TRPM3: variants seen among roughly 807,000 people sequenced by gnomAD.
TRPM3 encodes transient receptor potential cation channel subfamily M member 3.
A neutral mutation model predicts 181.2 loss-of-function variants in TRPM3; 77 were observed. The observed-to-expected ratio is 0.42, with a 90% CI of 0.35 to 0.51. The LOEUF is 0.51. Ranked by LOEUF, TRPM3 falls within the 20% of genes least tolerant of loss-of-function variation. The pLI is 0.01. For synonymous variants in TRPM3, 745 were observed against 796.4 expected (o/e 0.94, Z 1.09); for missense variants, 1,759 against 2,196.7 (o/e 0.80, Z 3.98).
At chr9:71,325,238 A>C (rs889530031) in intron 1 of TRPM3, among the ~76,000 whole-genome samples, 1 of 152,202 alleles carries the variant, frequency 6.6e-6, no homozygotes, top group African/African-American at 2.4e-5. Flanking sequence ...ATATTAAAAC[A>C]AAGTTTTACC....
chr9:70,771,915 C>T (rs1346016861), intron 7 of TRPM3, among the ~76,000 whole-genome samples: 1 of 152,160 alleles, frequency 6.6e-6, no homozygotes, highest in Non-Finnish European at 1.5e-5. Flanking sequence ...AAAATAAAGG[C>T]TCCACAAAGG....
Position 70,603,416 on chromosome 9 carries a change from C to T in TRPM3, c.2722G>A (p.Glu908Lys). 6.2e-7 allele frequency: 1 copy of T among 1,614,134 alleles called. No homozygotes were observed. Among genetic ancestry groups the T allele is most frequent in the Non-Finnish European group, 8.5e-7 (1 of 1,180,024 alleles). ...CATTCCTGGGTGGACGGCCAGCGTT[C>T]CATCTTCACTAACACGATATAGTTG... is the stretch of plus-strand genomic sequence containing the variant. Reference protein sequence around the residue: ...LFNYIVLVKMERWPSTQEWIV... With the variant: ...LFNYIVLVKMKRWPSTQEWIV... Residue 908 changes from glutamate (E) to lysine (K), a missense_variant, in exon 20 of 26, where the codon GAA (glutamate) becomes AAA (lysine). Physicochemically the swap from Glu to Lys is moderately conservative, Grantham distance 56. Coordinates refer to ENST00000677713, the MANE Select transcript of TRPM3 (RefSeq NM_001366145.2).
At chr9:70,757,093 C>T (rs1381999185) in intron 8 of TRPM3, among the ~76,000 whole-genome samples, 1 of 151,760 alleles carries the variant, frequency 6.6e-6, no homozygotes, top group Non-Finnish European at 1.5e-5. Context: ...GCTAGACAGA[C>T]TAATAAAGAA....
At chr9:71,229,104 T>C (rs1189172827) in intron 1 of TRPM3, among the ~76,000 whole-genome samples, 2 of 152,158 alleles carry the variant, frequency 1.3e-5, no homozygotes, top group African/African-American at 2.4e-5. Flanking sequence ...AGCATGGTAC[T>C]GGCATAAAAA....
intron 1 of TRPM3, among the ~76,000 whole-genome samples, chr9:71,342,680 C>A (rs1353249676): frequency 6.6e-6 from 1 of 152,024 alleles, no homozygotes; most frequent in Non-Finnish European, 1.5e-5. Flanking sequence ...GTAAATTAGG[C>A]TTACTATAAG....
At chr9:70,788,140 C>G (rs1408371952) in intron 6 of TRPM3, among the ~76,000 whole-genome samples, 1 of 146,336 alleles carries the variant, frequency 6.8e-6, no homozygotes, top group Non-Finnish European at 1.5e-5. Flanking sequence ...TTAGGTATAT[C>G]TCCCAATGCT....
In TRPM3 at chr9:71,185,723, T is replaced by TGACAC. The variant is rs1303652158; in HGVS notation, c.183+260929_183+260930insGTGTC. 1.8e-4 allele frequency among the ~76,000 whole-genome samples: 28 copies of TGACAC among 152,194 alleles called. 1 individual carries two copies. In the East Asian group the frequency reaches 5.4e-3, roughly 29 times the overall value. ...ACTGCTTTGGGTAGTCATCTAAATA[T>TGACAC]TTCACAGATCAGGAAACTGAAGCTA... On this transcript the variant is annotated intron_variant, in intron 1 of 24. Transcript: ENST00000357533.
chr9:70,543,555 A>G (rs907779124), intron 25 of TRPM3, among the ~76,000 whole-genome samples: 2 of 152,064 alleles, frequency 1.3e-5, no homozygotes, highest in African/African-American at 4.8e-5. Flanking sequence ...AACTTAATTG[A>G]TTTGATTTTT....
chr9:71,314,128 G>A (rs967420885), intron 1 of TRPM3, among the ~76,000 whole-genome samples: 7 of 152,026 alleles, frequency 4.6e-5, no homozygotes, highest in African/African-American at 1.7e-4. Flanking sequence ...TTATAATGGT[G>A]TGATGAATAT....
At chr9:71,270,678 C>G (rs1175725855) in intron 1 of TRPM3, among the ~76,000 whole-genome samples, 1 of 152,154 alleles carries the variant, frequency 6.6e-6, no homozygotes, top group Non-Finnish European at 1.5e-5. Context: ...TACCTTTACT[C>G]CTGGTATACA....
chr9:70,756,578 G>T (rs1190787236), intron 8 of TRPM3, among the ~76,000 whole-genome samples: 2 of 152,002 alleles, frequency 1.3e-5, no homozygotes, highest in Non-Finnish European at 2.9e-5. Flanking sequence ...TCTAAAATTG[G>T]CCACATAATT....
intron 1 of TRPM3, among the ~76,000 whole-genome samples, chr9:71,331,154 G>A (rs1446635773): frequency 6.6e-6 from 1 of 151,774 alleles, no homozygotes; most frequent in Non-Finnish European, 1.5e-5. Context: ...ATAAATGTGT[G>A]TTAATTATAC....
At chr9:70,941,037 A>T (rs967223940) in intron 1 of TRPM3, among the ~76,000 whole-genome samples, 15 of 152,216 alleles carry the variant, frequency 9.9e-5, no homozygotes, top group Non-Finnish European at 1.5e-5. Flanking sequence ...TGTGGAGGAA[A>T]ATCTGAGCAG....
chr9:71,014,754 T>C (rs999991229), intron 1 of TRPM3, among the ~76,000 whole-genome samples: 4 of 152,190 alleles, frequency 2.6e-5, no homozygotes, highest in Non-Finnish European at 5.9e-5. Flanking sequence ...GTATACAACA[T>C]TGAGTTGAGT....
intron 1 of TRPM3, among the ~76,000 whole-genome samples, chr9:71,049,447 T>TA (rs2059822444): frequency 6.6e-6 from 1 of 152,206 alleles, no homozygotes; most frequent in Non-Finnish European, 1.5e-5. Flanking sequence ...TATATTGTAT[T>TA]AACACTACTC....
At chr9:71,310,330 C>G (rs1162624523) in intron 1 of TRPM3, among the ~76,000 whole-genome samples, 2 of 151,442 alleles carry the variant, frequency 1.3e-5, no homozygotes, top group African/African-American at 2.4e-5. Flanking sequence ...TCTTGAAAAC[C>G]GAAACCAACA....
intron 1 of TRPM3, among the ~76,000 whole-genome samples, chr9:71,074,521 A>G (rs1022024246): frequency 6.6e-6 from 1 of 152,164 alleles, no homozygotes; most frequent in African/African-American, 2.4e-5. Context: ...TTAGCGAGGT[A>G]TTAGGCTGGT....
chr9:70,863,639 C>T (rs2152757), intron 2 of TRPM3, among the ~76,000 whole-genome samples: 24,354 of 152,120 alleles, frequency 0.16, 2,186 homozygotes, highest in Middle Eastern at 0.21. Context: ...GTGTTCTTGA[C>T]GAAACAATGA....
At chr9:70,997,747 C>T (rs1256861918) in intron 1 of TRPM3, among the ~76,000 whole-genome samples, 1 of 152,108 alleles carries the variant, frequency 6.6e-6, no homozygotes, top group African/African-American at 2.4e-5. Flanking sequence ...TACAAGGTTC[C>T]TGGGTATCAA....
Sources: gnomAD v4.1 joint callset for allele counts (sites outside exome capture counted in the v4.1 genomes callset) on GRCh38, gnomAD v4.1.1 for gene constraint, MANE v1.5 for transcripts, NCBI Gene and HGNC (gene_info 2026-07-23, HGNC 2026-07-21) for gene names.